Variants in FOXO1 observed in about 807,000 individuals in gnomAD.
FOXO1 encodes forkhead box protein O1.
A neutral mutation model predicts 44.1 loss-of-function variants in FOXO1; 6 were observed. That is an observed-to-expected ratio of 0.14 (90% CI 0.07 to 0.27). The LOEUF is 0.27. Among genes scored for constraint, FOXO1 ranks in the 10% least tolerant of loss-of-function variants. The pLI, the probability that FOXO1 is intolerant of heterozygous loss-of-function variation, is 1.00. For synonymous variants in FOXO1, 380 were observed against 362.7 expected (o/e 1.05, Z -0.54); for missense variants, 737 against 888.8 (o/e 0.83, Z 2.17).
intron 1 of FOXO1, among the ~76,000 whole-genome samples, chr13:40,568,592 T>C (rs1037068925): frequency 6.6e-6 from 1 of 152,212 alleles, no homozygotes; most frequent in Non-Finnish European, 1.5e-5. Flanking sequence ...ACGTTAGCAA[T>C]AGACAGTATG....
chr13:40,600,650 T>C (rs896356009), intron 1 of FOXO1, among the ~76,000 whole-genome samples: 13 of 152,240 alleles, frequency 8.5e-5, no homozygotes, highest in Non-Finnish European at 1.5e-4. Flanking sequence ...CTGGGTATGC[T>C]AAACTTAGTA....
intron 1 of FOXO1, among the ~76,000 whole-genome samples, chr13:40,652,834 T>TA (rs903387287): frequency 1.3e-5 from 2 of 152,240 alleles, no homozygotes; most frequent in African/African-American, 4.8e-5. Context: ...CGTTTACTTG[T>TA]ATGAACCACT....
chr13:40,582,160 T>C (rs140147382), intron 1 of FOXO1, among the ~76,000 whole-genome samples: 33 of 152,342 alleles, frequency 2.2e-4, no homozygotes, highest in Non-Finnish European at 4.0e-4. Flanking sequence ...AAATTTTTGT[T>C]TCCCTGTGCA....
chr13:40,637,171 C>T (rs932304008), intron 1 of FOXO1, among the ~76,000 whole-genome samples: 6 of 152,090 alleles, frequency 3.9e-5, no homozygotes, highest in African/African-American at 1.4e-4. Flanking sequence ...TGGCCGAGCG[C>T]GGTGGCTCAC....
chr13:40,602,529 G>T (rs1427389434), intron 1 of FOXO1, among the ~76,000 whole-genome samples: 1 of 152,124 alleles, frequency 6.6e-6, no homozygotes, highest in Non-Finnish European at 1.5e-5. Context: ...CCGAAAAAAA[G>T]AAAGAAATTC....
chr13:40,583,398 C>T (rs984301242), intron 1 of FOXO1, among the ~76,000 whole-genome samples: 1 of 152,218 alleles, frequency 6.6e-6, no homozygotes, highest in Non-Finnish European at 1.5e-5. Context: ...TTCTTTGAAG[C>T]TTGGCATTAA....
chr13:40,646,513 T>C (rs566627932), intron 1 of FOXO1, among the ~76,000 whole-genome samples: 1 of 152,196 alleles, frequency 6.6e-6, no homozygotes, highest in African/African-American at 2.4e-5. Context: ...AAAAGGTGAA[T>C]ATTATAAAAT....
At chr13:40,563,046 T>C (rs961642212) in intron 1 of FOXO1, among the ~76,000 whole-genome samples, 9 of 152,234 alleles carry the variant, frequency 5.9e-5, no homozygotes, top group African/African-American at 2.2e-4. Context: ...CCCAGCTTTC[T>C]TGGCCTCCTC....
intron 1 of FOXO1, among the ~76,000 whole-genome samples, chr13:40,596,274 T>C (rs1425974265): frequency 2.0e-5 from 3 of 152,196 alleles, no homozygotes; most frequent in Non-Finnish European, 4.4e-5. Flanking sequence ...GGCAGAAAGC[T>C]GGGGTCTGTG....
chr13:40,569,403 A>T (rs1874396410), intron 1 of FOXO1, among the ~76,000 whole-genome samples: 1 of 152,252 alleles, frequency 6.6e-6, no homozygotes, highest in Non-Finnish European at 1.5e-5. Flanking sequence ...TGCCTGGTGC[A>T]TCACCTGACA....
intron 1 of FOXO1, among the ~76,000 whole-genome samples, chr13:40,589,040 G>A (rs1007331376): frequency 7.2e-5 from 11 of 152,164 alleles, no homozygotes; most frequent in Non-Finnish European, 1.6e-4. Flanking sequence ...AGCAGGCAGA[G>A]GTTGCAGTGA....
chr13:40,582,880 A>C (rs1490024737), intron 1 of FOXO1, among the ~76,000 whole-genome samples: 1 of 152,208 alleles, frequency 6.6e-6, no homozygotes, highest in African/African-American at 2.4e-5. Context: ...ATGAACCACA[A>C]ATTTCTTAAT....
At chr13:40,635,577 C>G (rs1222223795) in intron 1 of FOXO1, among the ~76,000 whole-genome samples, 1 of 152,188 alleles carries the variant, frequency 6.6e-6, no homozygotes, top group Non-Finnish European at 1.5e-5. Context: ...CCTGCTAAGA[C>G]TACAATGAAA....
intron 1 of FOXO1, among the ~76,000 whole-genome samples, chr13:40,580,997 T>C (rs1479992467): frequency 6.6e-6 from 1 of 152,230 alleles, no homozygotes; most frequent in African/African-American, 2.4e-5. Flanking sequence ...TCTTGGGTTA[T>C]GGTCAGGGCA....
intron 1 of FOXO1, among the ~76,000 whole-genome samples, chr13:40,593,835 T>C (rs1483170087): frequency 1.3e-5 from 2 of 152,190 alleles, no homozygotes; most frequent in African/African-American, 4.8e-5. Flanking sequence ...GGCTTTCAAG[T>C]GCTCAACTTT....
chr13:40,589,292 A>C (rs1875285341), intron 1 of FOXO1, among the ~76,000 whole-genome samples: 1 of 152,208 alleles, frequency 6.6e-6, no homozygotes. Flanking sequence ...CTAAACAAGA[A>C]AAGACTGGCA....
Position 40,560,465 on chromosome 13 carries a change from A to C in FOXO1, c.1026T>G (p.Asp342Glu). 3 of 1,614,176 alleles carry C rather than the reference A, an allele frequency of 1.9e-6. No individual in the cohort carries two copies. In the African/African-American group the frequency reaches 4.0e-5, roughly 22 times the overall value. ...ATGGCGGGTACACCATAGAATGCACATCCCCTTCTCCAAGATCATCCTGTT... is the reference window on the plus strand; with the variant it reads ...ATGGCGGGTACACCATAGAATGCACCTCCCCTTCTCCAAGATCATCCTGTT... ...MTEQDDLGEG[D>E]VHSMVYPPSA... The change falls in exon 2 of 3, where the codon GAT becomes GAG. Residue 342 changes from aspartate to glutamate, a missense_variant. Asp to Glu is a conservative substitution (Grantham distance 45, BLOSUM62 2). Around this residue, in one of 7 missense-constraint regions of FOXO1, gnomAD observed 136 missense variants for 186.4 expected, o/e 0.73. Transcript: ENST00000379561. The surrounding 1 kb of genome is among the most constrained non-coding windows in gnomAD (Gnocchi z 5.1).
chr13:40,648,015 A>G (rs985164213), intron 1 of FOXO1, among the ~76,000 whole-genome samples: 1 of 152,130 alleles, frequency 6.6e-6, no homozygotes, highest in African/African-American at 2.4e-5. Context: ...ATAGCTGAGG[A>G]TGCTCTATAA....
At chr13:40,665,556 G>A (rs1361646950) in intron 1 of FOXO1, 27 bp downstream of exon 1, 1 of 1,360,152 alleles carries the variant, frequency 7.4e-7, no homozygotes, top group Non-Finnish European at 9.6e-7. Context: ...CGCCCCCAAG[G>A]TCCGGCCGCG....
Sources: gnomAD v4.1 joint callset for allele counts (sites outside exome capture counted in the v4.1 genomes callset) on GRCh38, gnomAD v4.1.1 for gene constraint, gnomAD v4.1.1 regional missense constraint, Gnocchi (gnomAD v3.1) non-coding constraint, MANE v1.5 for transcripts, NCBI Gene and HGNC (gene_info 2026-07-23, HGNC 2026-07-21) for gene names.